UBE2E3: variants seen among roughly 807,000 people sequenced by gnomAD.
The protein encoded by UBE2E3 is ubiquitin-conjugating enzyme E2 E3.
Under a neutral mutation model 23.6 loss-of-function variants are expected in UBE2E3, and 5 were observed. The ratio of observed to expected loss-of-function variants is 0.21; its 90% CI spans 0.11 to 0.44. The LOEUF is 0.44. UBE2E3 is among the 20% of genes least tolerant of loss of function. UBE2E3 has a pLI of 0.99. For missense variants in UBE2E3, 81 were observed against 249.8 expected, an observed-to-expected ratio of 0.32 and a Z score of 4.55; for synonymous variants, 78 against 87.5, an observed-to-expected ratio of 0.89 and a Z score of 0.60.
At chr2:181,031,566 T>C (rs1278731844) in intron 3 of UBE2E3, among the ~76,000 whole-genome samples, 1 of 152,186 alleles carries the variant, frequency 6.6e-6, no homozygotes, top group African/African-American at 2.4e-5. Context: ...GTATTCATTA[T>C]GATAGGGGTT....
chr2:180,997,064 C>T (rs1048087150), intron 3 of UBE2E3, among the ~76,000 whole-genome samples: 58 of 151,324 alleles, frequency 3.8e-4, no homozygotes, highest in Admixed American at 2.0e-4. Context: ...TACAGGGAAA[C>T]TTGTGTTCTT....
At chr2:180,996,157 G>A (rs1333284758) in intron 3 of UBE2E3, among the ~76,000 whole-genome samples, 1 of 151,978 alleles carries the variant, frequency 6.6e-6, no homozygotes, top group Non-Finnish European at 1.5e-5. Context: ...AACCTTAGAG[G>A]GTAAAAGTCA....
At chr2:180,997,237 TTATC>T (rs1266003781) in intron 3 of UBE2E3, among the ~76,000 whole-genome samples, 1 of 152,018 alleles carries the variant, frequency 6.6e-6, no homozygotes, top group Non-Finnish European at 1.5e-5. Flanking sequence ...AGCTTCCCAT[TTATC>T]TATCTCTATT....
At chr2:181,029,839 C>CTTTTTTT (rs546001645) in intron 3 of UBE2E3, among the ~76,000 whole-genome samples, 1 of 131,946 alleles carries the variant, frequency 7.6e-6, no homozygotes, top group Non-Finnish European at 1.6e-5. Context: ...AATTCGGTCC[C>CTTTTTTT]TTTTTTTTTT....
At chr2:180,990,051 G>T (rs1684609431) in intron 3 of UBE2E3, 15 of 1,364,522 alleles carry the variant, frequency 1.1e-5, no homozygotes, top group Non-Finnish European at 1.5e-5. Flanking sequence ...ATTTTGACAG[G>T]TAAGTATATT....
At chr2:181,059,994 A>G (rs1021727133) in intron 4 of UBE2E3, among the ~76,000 whole-genome samples, 1 of 151,484 alleles carries the variant, frequency 6.6e-6, no homozygotes, top group Non-Finnish European at 1.5e-5. Context: ...TGTTCTTATG[A>G]TTTATCTTCT....
chr2:181,014,581 AAAC>A (rs1384992037), intron 3 of UBE2E3, among the ~76,000 whole-genome samples: 1 of 152,184 alleles, frequency 6.6e-6, no homozygotes, highest in Non-Finnish European at 1.5e-5. Context: ...GATTGGAAGA[AAAC>A]AAAGAGGTTG....
At chr2:180,990,447 G>A (rs1407560206) in intron 3 of UBE2E3, among the ~76,000 whole-genome samples, 1 of 152,124 alleles carries the variant, frequency 6.6e-6, no homozygotes, top group Non-Finnish European at 1.5e-5. Flanking sequence ...TGTCTTATTA[G>A]TGATGCATCC....
intron 3 of UBE2E3, among the ~76,000 whole-genome samples, chr2:181,014,610 T>A (rs1378960200): frequency 1.3e-5 from 2 of 152,152 alleles, no homozygotes; most frequent in Non-Finnish European, 1.5e-5. Flanking sequence ...CATGGAAACC[T>A]GAGGTAGAAA....
At chr2:181,003,519 T>C (rs570049372) in intron 3 of UBE2E3, among the ~76,000 whole-genome samples, 2 of 152,378 alleles carry the variant, frequency 1.3e-5, no homozygotes, top group South Asian at 4.1e-4. Context: ...AGTTGGACTT[T>C]ATTTGATATA....
In UBE2E3 at chr2:181,062,964, A is replaced by G. The variant is rs1349435011; in HGVS notation, c.*76A>G. Reference sequence around the variant, plus strand: ...TGCTGCAAATCTTTATAGCCTTTACAATACGGACTTCTGTGTATATGTTAT... The same window carrying G: ...TGCTGCAAATCTTTATAGCCTTTACGATACGGACTTCTGTGTATATGTTAT... On this transcript the variant is annotated 3_prime_UTR_variant, in exon 6 of 6. Transcript: ENST00000410062. 1.2e-6 allele frequency: 1 copy of G among 867,058 alleles called. No homozygotes were observed. The highest frequency in any genetic ancestry group is 1.8e-6 in the Non-Finnish European group (1 of 549,310). 53.7% of individuals were successfully genotyped at this position (867,058 alleles called of 1,614,324 possible). A position where few individuals can be genotyped will look rare whatever the true frequency, so the allele number is the denominator to read the frequency against.
chr2:181,013,983 G>A (rs1257745847), intron 3 of UBE2E3, among the ~76,000 whole-genome samples: 1 of 152,178 alleles, frequency 6.6e-6, no homozygotes, highest in East Asian at 1.9e-4. Flanking sequence ...AATAGTCTAG[G>A]AAGGATTTGA....
intron 4 of UBE2E3, among the ~76,000 whole-genome samples, chr2:181,058,664 T>G (rs559619980): frequency 6.6e-6 from 1 of 151,794 alleles, no homozygotes; most frequent in Non-Finnish European, 1.5e-5. Flanking sequence ...TGACTTTTGT[T>G]CTCTGTACTT....
chr2:181,058,458 A>T (rs1687045156), intron 4 of UBE2E3, among the ~76,000 whole-genome samples: 2 of 151,684 alleles, frequency 1.3e-5, no homozygotes, highest in Non-Finnish European at 3.0e-5. Context: ...CAAAGCTTAA[A>T]TATAACAATT....
intron 3 of UBE2E3, among the ~76,000 whole-genome samples, chr2:180,986,068 C>T (rs1219474855): frequency 6.6e-6 from 1 of 152,090 alleles, no homozygotes; most frequent in Non-Finnish European, 1.5e-5. Context: ...AATAATGCTT[C>T]CTCATTTAGT....
rs543654514 is a variant in UBE2E3 at position 181,025,729 on chromosome 2, T to C, written c.246-31964T>C. Reference sequence around the variant, plus strand: ...CAGTCACATCTACATATATTAGCAGTGAAGAATCATTTCAGTGACAATTTG... The same window carrying C: ...CAGTCACATCTACATATATTAGCAGCGAAGAATCATTTCAGTGACAATTTG... On this transcript the variant is annotated intron_variant, in intron 3 of 5. Coordinates refer to ENST00000410062, the MANE Select transcript of UBE2E3 (RefSeq NM_006357.4). Among the ~76,000 whole-genome samples the C allele has an allele frequency of 5.3e-5, 8 of 152,082 alleles. No individual in the cohort carries two copies. In the South Asian group the frequency reaches 1.7e-3, roughly 32 times the overall value.
At chr2:181,040,162 A>G (rs1364644678) in intron 3 of UBE2E3, among the ~76,000 whole-genome samples, 4 of 152,178 alleles carry the variant, frequency 2.6e-5, no homozygotes, top group Non-Finnish European at 4.4e-5. Context: ...GGAGGAAAAT[A>G]TGTTTGCGTT....
In UBE2E3 at chr2:180,980,992, G is replaced by C. The variant is rs1419261239; in HGVS notation, c.-26+19G>C. ...GGCCGAGGTAAGGCGGCGGGGCCGG[G>C]GGGCCGCGTGGGGGGCGGCCGGGGC... On this transcript the variant is annotated intron_variant, in intron 1 of 5. Transcript: ENST00000410062. The surrounding 1 kb of genome is among the most constrained non-coding windows in gnomAD (Gnocchi z 5.5). 2.0e-5 allele frequency: 3 copies of C among 147,018 alleles called. No individual in the cohort carries two copies. Among genetic ancestry groups the C allele is most frequent in the East Asian group, 2.0e-4 (1 of 5,056 alleles). 9.1% of individuals were successfully genotyped at this position (147,018 alleles called of 1,614,324 possible).
At chr2:181,018,111 T>C (rs1474906250) in intron 3 of UBE2E3, among the ~76,000 whole-genome samples, 1 of 152,158 alleles carries the variant, frequency 6.6e-6, no homozygotes, top group Non-Finnish European at 1.5e-5. Context: ...CTTATGCCTG[T>C]GGGACTTTCA....
Sources: gnomAD v4.1 joint callset for allele counts (sites outside exome capture counted in the v4.1 genomes callset) on GRCh38, gnomAD v4.1.1 for gene constraint, Gnocchi (gnomAD v3.1) non-coding constraint, MANE v1.5 for transcripts, NCBI Gene and HGNC (gene_info 2026-07-23, HGNC 2026-07-21) for gene names.